The following ALG12 variants were observed in gnomAD, a reference collection of about 807,000 sequenced individuals.
ALG12 encodes the protein dol-P-Man:Man(7)GlcNAc(2)-PP-Dol alpha-1,6-mannosyltransferase.
In ALG12, 36 loss-of-function variants were observed where a neutral mutation model predicts 46.0. The ratio of observed to expected loss-of-function variants is 0.78; its 90% confidence interval spans 0.60 to 1.03. The LOEUF (loss-of-function observed/expected upper bound fraction) is 1.03, where lower values mean the gene tolerates loss of function less well. ALG12 is among the 50% of genes least tolerant of loss of function. The pLI, the probability that ALG12 is intolerant of heterozygous loss-of-function variation, is 0.00. For missense variants in ALG12, 599 were observed against 633.5 expected, an observed-to-expected ratio of 0.95 and a Z score of 0.58; for synonymous variants, 326 against 291.6, an observed-to-expected ratio of 1.12 and a Z score of -1.20.
At chr22:49,870,237 G>A in the ALG12 span, among the ~76,000 whole-genome samples, 120 of 152,276 alleles carry the variant, frequency 7.9e-4, no homozygotes, top group Admixed American at 1.8e-3. Context: ...TGCTAGGCAC[G>A]TAGGTTGATT....
At chr22:49,888,625 G>T in the ALG12 span, 1 of 167,290 alleles carries the variant, frequency 6.0e-6, no homozygotes, top group African/African-American at 2.4e-5. Flanking sequence ...CCATGGTGAT[G>T]ACTTTCCAGG....
chr22:49,886,385 C>T, the ALG12 span: 17 of 1,609,466 alleles, frequency 1.1e-5, no homozygotes, highest in Middle Eastern at 1.6e-4. This position sits in a 1 kb window ranked among gnomAD's most constrained non-coding sequence, Gnocchi z 7.7. Flanking sequence ...CAGAAAAGGG[C>T]CATTAACGAG....
the ALG12 span, chr22:49,884,160 G>C: frequency 3.7e-6 from 6 of 1,613,016 alleles, no homozygotes; most frequent in Non-Finnish European, 5.1e-6. Flanking sequence ...GCGCACACCC[G>C]ACCGTGCTCA....
At chr22:49,907,031 G>A (rs527582286) in intron 7 of ALG12, among the ~76,000 whole-genome samples, 13 of 152,062 alleles carry the variant, frequency 8.5e-5, no homozygotes, top group Admixed American at 3.9e-4. Context: ...GTCCCTCCCC[G>A]CAGGAAGCCC....
In ALG12 at chr22:49,906,311, G is replaced by A. The variant is rs567512476; in HGVS notation, c.992+1410C>T. Among the ~76,000 whole-genome samples, 4 of 152,266 alleles carry A rather than the reference G, an allele frequency of 2.6e-5. No individual in the cohort carries two copies. The highest frequency in any genetic ancestry group is 9.6e-5 in the African/African-American group (4 of 41,552). ...TCCTACCCTCTTTTCCATGACTCTG[G>A]CTGGGGTCTGCTCCTCCTCCAGCCC... On this transcript the variant is annotated intron_variant, in intron 7 of 9. Coordinates refer to ENST00000330817, the MANE Select transcript of ALG12 (RefSeq NM_024105.4). This position sits in a 1 kb window ranked among gnomAD's most constrained non-coding sequence, Gnocchi z 4.4.
chr22:49,859,767 T>A, the ALG12 span, among the ~76,000 whole-genome samples: 1 of 152,382 alleles, frequency 6.6e-6, no homozygotes, highest in South Asian at 2.1e-4. Context: ...GGCTCACACC[T>A]GTAATCTCAG....
chr22:49,873,082 T>C, the ALG12 span, among the ~76,000 whole-genome samples: 2 of 152,214 alleles, frequency 1.3e-5, no homozygotes, highest in Non-Finnish European at 2.9e-5. Context: ...CCACCTGCCT[T>C]GGCCTCCCAA....
chr22:49,883,610 T>A, the ALG12 span: 1 of 1,474,044 alleles, frequency 6.8e-7, no homozygotes, highest in Non-Finnish European at 9.0e-7. Context: ...AAATGAGCAC[T>A]TGGATCAGTG....
intron 1 of ALG12, among the ~76,000 whole-genome samples, chr22:49,914,215 TGAA>T (rs1310831385): frequency 5.3e-5 from 8 of 152,288 alleles, no homozygotes; most frequent in African/African-American, 1.9e-4. Context: ...GGGAACCGGC[TGAA>T]GAAGACGGAA....
the ALG12 span, chr22:49,885,510 C>A: frequency 6.2e-7 from 1 of 1,610,144 alleles, no homozygotes; most frequent in Non-Finnish European, 8.5e-7. Context: ...AAACTGAGGT[C>A]TCGGAGACGG....
At chr22:49,916,210 G>A (rs1366847580) in intron 1 of ALG12, among the ~76,000 whole-genome samples, 4 of 152,014 alleles carry the variant, frequency 2.6e-5, no homozygotes, top group Admixed American at 2.6e-4. Flanking sequence ...CCGAGATCGC[G>A]CCACTGCACT....
At chr22:49,914,346 G>T (rs142905070) in intron 1 of ALG12, among the ~76,000 whole-genome samples, 1 of 152,240 alleles carries the variant, frequency 6.6e-6, no homozygotes, top group Non-Finnish European at 1.5e-5. Context: ...CACAGGGCTC[G>T]AGTGGCCAGC....
the ALG12 span, among the ~76,000 whole-genome samples, chr22:49,879,966 A>T: frequency 6.7e-6 from 1 of 149,176 alleles, no homozygotes; most frequent in South Asian, 2.1e-4. Flanking sequence ...TCTCCTGGTC[A>T]GAGGTGGTTT....
the ALG12 span, chr22:49,884,868 C>A: frequency 1.2e-6 from 2 of 1,607,964 alleles, no homozygotes; most frequent in Non-Finnish European, 1.7e-6. Flanking sequence ...CTCACTTGAA[C>A]CCTGGAGATG....
rs1481737769 is a variant in ALG12 at position 49,902,379 on chromosome 22, GGT to G, written c.*1457_*1458del. ...ATGCATGGTGTGTGCACGTGTGCAC[GGT>G]GTGTGGTGTGTATGCATGGTGTGTG... On this transcript the variant is annotated 3_prime_UTR_variant, in exon 10 of 10. Transcript: ENST00000330817. The G allele has an allele frequency of 2.1e-4, 12 of 57,210 alleles. 3 individuals are homozygous for G. In the African/African-American group the frequency reaches 2.3e-3, roughly 11 times the overall value. The allele number at this position is 57,210 out of a possible 1,614,324, so 3.5% of individuals were successfully genotyped here. A position where few individuals can be genotyped will look rare whatever the true frequency, so the allele number is the denominator to read the frequency against.
rs12157594 is a variant in ALG12 at position 49,917,813 on chromosome 22, G to C, written c.-79+450C>G. On this transcript the variant is annotated intron_variant, in intron 1 of 9. Coordinates refer to ENST00000330817, the MANE Select transcript of ALG12 (RefSeq NM_024105.4). Reference sequence around the variant, plus strand: ...TTTTATTTCCCCTAATTTAAACCAGGGGTTCCTGAACATGAGCGAGTGTTC... The same window carrying C: ...TTTTATTTCCCCTAATTTAAACCAGCGGTTCCTGAACATGAGCGAGTGTTC... 6.4e-4 allele frequency among the ~76,000 whole-genome samples: 95 copies of C among 149,268 alleles called. 1 individual carries two copies. Among genetic ancestry groups the C allele is most frequent in the African/African-American group, 2.2e-3 (89 of 39,704 alleles).
chr22:49,913,259 CG>C, intron 3 of ALG12, 125 bp downstream of exon 3: 1 of 1,464,704 alleles, frequency 6.8e-7, no homozygotes, highest in Non-Finnish European at 9.4e-7. Context: ...CGCCATGCCA[CG>C]GTGATCGAGG....
the ALG12 span, among the ~76,000 whole-genome samples, chr22:49,874,617 G>C: frequency 6.9e-6 from 1 of 144,668 alleles, no homozygotes; most frequent in Non-Finnish European, 1.5e-5. Context: ...TCGTGATCCA[G>C]CTGCCTTGGC....
In ALG12 at chr22:49,913,923, C is replaced by G. The variant is rs185775647; in HGVS notation, c.-78-80G>C. On this transcript the variant is annotated intron_variant, in intron 1 of 9. Coordinates refer to ENST00000330817, the MANE Select transcript of ALG12 (RefSeq NM_024105.4). ...TTGGGAGATCCGGGTAAAGGGTTAG[C>G]AGAATTCTCTGAACTACTGTCTTAG... is the stretch of plus-strand genomic sequence containing the variant. 1.7e-3 allele frequency: 1,491 copies of G among 888,886 alleles called. 2 individuals carry two copies. The highest frequency in any genetic ancestry group is 2.2e-3 in the Non-Finnish European group (1,240 of 561,754). The allele number at this position is 888,886 out of a possible 1,614,324, so 55.1% of individuals were successfully genotyped here.
Sources: allele counts gnomAD v4.1 joint callset (sites outside exome capture counted in the v4.1 genomes callset), GRCh38; gene constraint gnomAD v4.1.1; non-coding constraint Gnocchi (gnomAD v3.1); transcripts MANE v1.5; gene names NCBI Gene and HGNC (gene_info 2026-07-23, HGNC 2026-07-21).